The following PRR11 variants were observed in gnomAD, a reference collection of about 807,000 sequenced individuals.
PRR11 encodes the protein proline rich 11, also known as proline-rich protein 11.
Under a neutral mutation model 45.6 loss-of-function variants are expected in PRR11, and 30 were observed. That is an observed-to-expected ratio of 0.66 (90% CI 0.49 to 0.89). The LOEUF is 0.89. Ranked by LOEUF, PRR11 falls within the 40% of genes least tolerant of loss-of-function variation. The pLI is 0.00. For synonymous variants in PRR11, 128 were observed against 153.5 expected, an observed-to-expected ratio of 0.83 and a Z score of 1.23; for missense variants, 373 against 424.8, an observed-to-expected ratio of 0.88 and a Z score of 1.07.
At position 59,179,857 on chromosome 17, in the gene PRR11, G is replaced by C. The variant is rs150350779; in HGVS notation, c.129-5197G>C. Reference sequence around the variant, plus strand: ...TTTTCCAGCAAAGGGACCCACACAGGGGGCTGGGATCTACCCCAGGGGCTG... The same window carrying C: ...TTTTCCAGCAAAGGGACCCACACAGCGGGCTGGGATCTACCCCAGGGGCTG... On this transcript the variant is annotated intron_variant, in intron 2 of 9. Transcript: ENST00000262293. The C allele has an allele frequency of 3.3e-4, 447 of 1,343,854 alleles. No individual in the cohort carries two copies. In the African/African-American group the frequency reaches 5.8e-3, roughly 17 times the overall value. The allele number at this position is 1,343,854 out of a possible 1,614,324, so 83.2% of individuals were successfully genotyped here.
At chr17:59,196,087 C>CA (rs57940331) in intron 7 of PRR11, among the ~76,000 whole-genome samples, 1,412 of 70,654 alleles carry the variant, frequency 0.02, 26 homozygotes, top group East Asian at 0.057. Flanking sequence ...GACTCCATCT[C>CA]AAAAAAAAAA....
intron 1 of PRR11, among the ~76,000 whole-genome samples, chr17:59,165,632 A>C (rs1385769245): frequency 6.7e-6 from 1 of 150,138 alleles, no homozygotes; most frequent in African/African-American, 2.5e-5. Context: ...GTCTCTACTA[A>C]AAATACAAAA....
intron 7 of PRR11, among the ~76,000 whole-genome samples, 160 bp downstream of exon 7, chr17:59,195,603 A>G (rs569533046): frequency 4.1e-4 from 62 of 152,324 alleles, no homozygotes; most frequent in African/African-American, 1.4e-3. Flanking sequence ...AGAAAAGTTT[A>G]AAAAAGAAAA....
At chr17:59,198,556 C>T (rs972624003) in intron 9 of PRR11, among the ~76,000 whole-genome samples, 13 of 152,118 alleles carry the variant, frequency 8.5e-5, no homozygotes, top group African/African-American at 2.9e-4. Flanking sequence ...TGCCTGTAGT[C>T]CCAGCTACTC....
At chr17:59,188,588 A>G (rs944027630) in intron 4 of PRR11, among the ~76,000 whole-genome samples, 2 of 152,110 alleles carry the variant, frequency 1.3e-5, no homozygotes, top group African/African-American at 4.8e-5. Flanking sequence ...TGTACTAATG[A>G]GGTATGATCT....
intron 2 of PRR11, among the ~76,000 whole-genome samples, chr17:59,183,121 C>G (rs563430770): frequency 1.1e-4 from 17 of 152,260 alleles, no homozygotes; most frequent in African/African-American, 3.9e-4. Flanking sequence ...AAGAAAAACA[C>G]ATGTAACTGC....
chr17:59,194,747 G>A lies in PRR11; in HGVS notation c.646-10G>A, dbSNP rs759986910. 3 of 1,593,826 alleles carry A rather than the reference G, an allele frequency of 1.9e-6. No individual in the cohort carries two copies. The highest frequency in any genetic ancestry group is 4.5e-5 in the East Asian group (2 of 44,666). On this transcript the variant is annotated splice_polypyrimidine_tract_variant and intron_variant, in intron 5 of 9. Coordinates refer to ENST00000262293, the MANE Select transcript of PRR11 (RefSeq NM_018304.4). The stretch of plus-strand genomic sequence containing the variant: ...CCAATTTGAATTCTAACCTTACCAT[G>A]TATTTTAAGGCTGGACCATTAAAAA...
intron 1 of PRR11, among the ~76,000 whole-genome samples, chr17:59,159,618 G>A (rs1363988930): frequency 1.3e-5 from 2 of 152,178 alleles, no homozygotes; most frequent in Non-Finnish European, 2.9e-5. Context: ...TGTTTCTGAT[G>A]TCTTGGTCCT....
chr17:59,160,438 T>C (rs1599688602), intron 1 of PRR11, among the ~76,000 whole-genome samples: 2 of 152,284 alleles, frequency 1.3e-5, no homozygotes, highest in East Asian at 3.9e-4. Flanking sequence ...CTCATTCCAA[T>C]TTTTATATTT....
At chr17:59,161,619 C>T (rs1183777247) in intron 1 of PRR11, among the ~76,000 whole-genome samples, 3 of 151,912 alleles carry the variant, frequency 2.0e-5, no homozygotes, top group Non-Finnish European at 4.4e-5. Context: ...CATGGTGGTA[C>T]GCCCTTGTAG....
At chr17:59,166,848 A>G (rs1462989027) in intron 1 of PRR11, among the ~76,000 whole-genome samples, 1 of 151,766 alleles carries the variant, frequency 6.6e-6, no homozygotes, top group African/African-American at 2.4e-5. Flanking sequence ...TATTTTTTAA[A>G]TTTTATTTTG....
rs1229777178 is a variant in PRR11 at position 59,203,886 on chromosome 17, A to G, written c.*2255A>G. Reference sequence around the variant, plus strand: ...GTAGTGACGTTAAGAGATATATATCAGCTTCTAGTAAAAGTTTTTTTTTTT... The same window carrying G: ...GTAGTGACGTTAAGAGATATATATCGGCTTCTAGTAAAAGTTTTTTTTTTT... On this transcript the variant is annotated 3_prime_UTR_variant, in exon 10 of 10. Transcript: ENST00000262293. The G allele has an allele frequency of 6.6e-6, 1 of 151,718 alleles. No homozygotes were observed. The highest frequency in any genetic ancestry group is 1.5e-5 in the Non-Finnish European group (1 of 67,950). 9.4% of individuals were successfully genotyped at this position (151,718 alleles called of 1,614,324 possible).
rs2147861357 is a variant in PRR11 at position 59,206,160 on chromosome 17, A to G, written c.*4529A>G. On this transcript the variant is annotated 3_prime_UTR_variant, in exon 10 of 10. Transcript: ENST00000262293. ...GGCAGGAGGTTCGCTTGAGGCCAAG[A>G]GTTCAAAACAAGCCTGGGCAACACT... Among the ~76,000 whole-genome samples, 1 of 152,308 alleles carries G rather than the reference A, an allele frequency of 6.6e-6. No homozygotes were observed. The highest frequency in any genetic ancestry group is 2.1e-4 in the South Asian group (1 of 4,828).
chr17:59,179,942 C>T, intron 2 of PRR11: 2 of 1,259,028 alleles, frequency 1.6e-6, no homozygotes, highest in Admixed American at 3.5e-5. Context: ...GAGCCAGACC[C>T]AAAACGCCAA....
At chr17:59,184,265 C>T (rs1311876534) in intron 2 of PRR11, among the ~76,000 whole-genome samples, 1 of 152,070 alleles carries the variant, frequency 6.6e-6, no homozygotes, top group Admixed American at 6.6e-5. Context: ...AGTGTGAGAC[C>T]AGCCTGGCCA....
intron 2 of PRR11, among the ~76,000 whole-genome samples, chr17:59,172,736 G>A (rs903176506): frequency 5.9e-5 from 9 of 152,232 alleles, no homozygotes; most frequent in Non-Finnish European, 7.3e-5. Flanking sequence ...TCGATTTCTC[G>A]CCGGGCCTCA....
chr17:59,175,186 G>C, intron 2 of PRR11: 1 of 486,670 alleles, frequency 2.1e-6, no homozygotes, highest in Non-Finnish European at 3.8e-6. Flanking sequence ...CTCTGGCTGA[G>C]GTCAGCTTCC....
chr17:59,171,628 TGTA>T (rs1447232889), intron 2 of PRR11, among the ~76,000 whole-genome samples: 11 of 152,168 alleles, frequency 7.2e-5, no homozygotes, highest in South Asian at 6.2e-4. Context: ...TTAAAATAAA[TGTA>T]GTAATAATTC....
chr17:59,193,567 G>T lies in PRR11; in HGVS notation c.478G>T (p.Ala160Ser), dbSNP rs755353059. Residue 160 changes from alanine to serine, a missense_variant, in exon 5 of 10, where the codon GCC becomes TCC. Transcript: ENST00000262293. ...GAGTGGTAAACTTACAAATGTGCCT[G>T]CCTGCGTTCTGATCACCCCTGGAGA... is the stretch of plus-strand genomic sequence containing the variant. ...HMSGKLTNVP[A>S]CVLITPGDSK... 19 of 1,614,028 alleles carry T rather than the reference G, an allele frequency of 1.2e-5. No homozygotes were observed. The highest frequency in any genetic ancestry group is 3.3e-4 in the Middle Eastern group (2 of 6,082).
Sources: allele counts gnomAD v4.1 joint callset (sites outside exome capture counted in the v4.1 genomes callset), GRCh38; gene constraint gnomAD v4.1.1; transcripts MANE v1.5; gene names NCBI Gene and HGNC (gene_info 2026-07-23, HGNC 2026-07-21).